Variants in SYNE3 observed in about 807,000 individuals in gnomAD.
The protein encoded by SYNE3 is spectrin repeat containing nuclear envelope family member 3, also known as nesprin-3.
SYNE3 carries 100 observed loss-of-function variants against 111.2 expected under a neutral mutation model. That is an observed-to-expected ratio of 0.90 (90% confidence interval 0.77 to 1.06). SYNE3 has a LOEUF of 1.06. Among genes scored for constraint, SYNE3 ranks in the 50% least tolerant of loss-of-function variants. The pLI, the probability that SYNE3 is intolerant of heterozygous loss-of-function variation, is 0.00. For missense variants in SYNE3, 1,160 were observed against 1,240.3 expected, an observed-to-expected ratio of 0.94 and a Z score of 0.97; for synonymous variants, 547 against 533.9, an observed-to-expected ratio of 1.02 and a Z score of -0.34.
At chr14:95,422,766 G>A (rs1265580742) in intron 17 of SYNE3, among the ~76,000 whole-genome samples, 1 of 152,208 alleles carries the variant, frequency 6.6e-6, no homozygotes, top group Non-Finnish European at 1.5e-5. Flanking sequence ...TGCCTCTCAT[G>A]AAACCCTCAC....
At chr14:95,464,762 G>A (rs1566671457) in intron 4 of SYNE3, among the ~76,000 whole-genome samples, 1 of 152,222 alleles carries the variant, frequency 6.6e-6, no homozygotes, top group Non-Finnish European at 1.5e-5. Flanking sequence ...TGCTTAGGCT[G>A]AGCTTAGAGC....
Position 95,481,700 on chromosome 14 carries a change from G to A in SYNE3, c.-14-5865C>T, listed in dbSNP as rs79376854. Among the ~76,000 whole-genome samples the A allele has an allele frequency of 8.6e-3, 1,307 of 152,344 alleles. 15 individuals are homozygous for A. Among genetic ancestry groups the A allele is most frequent in the Non-Finnish European group, 0.011 (742 of 68,042 alleles). Reference sequence around the variant, plus strand: ...TGTGACCCAGGGCAGAGCAGAGGACGGGGAGAAATAGATGTGTGGGCCCCC... The same window carrying A: ...TGTGACCCAGGGCAGAGCAGAGGACAGGGAGAAATAGATGTGTGGGCCCCC... On this transcript the variant is annotated intron_variant, in intron 1 of 17. Transcript: ENST00000682763.
chr14:95,467,245 C>T (rs2139480202), intron 3 of SYNE3, among the ~76,000 whole-genome samples: 1 of 152,196 alleles, frequency 6.6e-6, no homozygotes, highest in East Asian at 1.9e-4. Flanking sequence ...AGCAGTGTGC[C>T]TCGCTCTTGA....
chr14:95,443,462 C>T (rs528803942), intron 10 of SYNE3, among the ~76,000 whole-genome samples, 173 bp from the exon 11 acceptor site: 30 of 152,292 alleles, frequency 2.0e-4, no homozygotes, highest in African/African-American at 5.8e-4. Flanking sequence ...CTGATGGGCC[C>T]ACTCTCAGGG....
Position 95,485,343 on chromosome 14 carries a change from C to T in SYNE3, c.-14-9508G>A, listed in dbSNP as rs767646742. Among the ~76,000 whole-genome samples, 1 of 152,152 alleles carries T rather than the reference C, an allele frequency of 6.6e-6. No homozygotes were observed. Among genetic ancestry groups the T allele is most frequent in the Non-Finnish European group, 1.5e-5 (1 of 68,020 alleles). On this transcript the variant is annotated intron_variant, in intron 1 of 17. Transcript: ENST00000682763. This position sits in a 1 kb window ranked among gnomAD's most constrained non-coding sequence, Gnocchi z 4.3. The stretch of plus-strand genomic sequence containing the variant: ...GGACAGAGTGAGGCGGGGCTGCTGG[C>T]CCCCTCCCCACATTCCAATGGGCTT...
Position 95,455,395 on chromosome 14 carries a change from T to A in SYNE3, c.1119A>T (p.Ala373=). 6.5e-7 allele frequency: 1 copy of A among 1,548,536 alleles called. No homozygotes were observed. The highest frequency in any genetic ancestry group is 8.7e-7 in the Non-Finnish European group (1 of 1,148,064). Residue 373 remains alanine (A), a synonymous_variant, in exon 6 of 18, where the codon GCA becomes GCT. Coordinates refer to ENST00000682763, the MANE Select transcript of SYNE3 (RefSeq NM_152592.6). ...CGCTTACCGAGTAGCGTCTCCAGTG[T>A]GCCACCAGCTCGTCCTCGGTCCCCG... ...AKAGTEDELV[A]HWRRYSATRA...
chr14:95,414,465 G>A lies in SYNE3; in HGVS notation c.*3361C>T, dbSNP rs112488467. The A allele has an allele frequency of 6.6e-6, 1 of 152,190 alleles. No individual in the cohort carries two copies. Among genetic ancestry groups the A allele is most frequent in the Non-Finnish European group, 1.5e-5 (1 of 68,078 alleles). The allele number at this position is 152,190 out of a possible 1,614,324, so 9.4% of individuals were successfully genotyped here. ...TCCCGCCACCACTGGGCACCTCCCA[G>A]GGTCTCCTCGCCTCGTCTGCTGTCA... On this transcript the variant is annotated 3_prime_UTR_variant, in exon 18 of 18. Coordinates refer to ENST00000682763, the MANE Select transcript of SYNE3 (RefSeq NM_152592.6).
intron 6 of SYNE3, among the ~76,000 whole-genome samples, chr14:95,453,952 A>G (rs1298073723): frequency 1.3e-5 from 2 of 152,180 alleles, no homozygotes; most frequent in African/African-American, 4.8e-5. Context: ...GGGACCTATA[A>G]TGTTGTCAGG....
At chr14:95,490,566 G>T (rs181714414) in intron 1 of SYNE3, among the ~76,000 whole-genome samples, 25 of 152,336 alleles carry the variant, frequency 1.6e-4, no homozygotes, top group Admixed American at 3.9e-4. Context: ...AGCTGCAGAG[G>T]CTTCCTGTTA....
chr14:95,466,268 G>C, intron 3 of SYNE3, 28 bp from the exon 4 acceptor site: 1 of 1,532,920 alleles, frequency 6.5e-7, no homozygotes, highest in South Asian at 1.2e-5. Flanking sequence ...TCAAGGTTGT[G>C]AGGGAACCAG....
rs963637346 is a variant in SYNE3 at position 95,415,541 on chromosome 14, C to T, written c.*2285G>A. ...TTTTCATCCCCTGTAGTTGCCAATTCTGCATGTACTAGTCTTGTAGAAATA... is the reference window on the plus strand; with the variant it reads ...TTTTCATCCCCTGTAGTTGCCAATTTTGCATGTACTAGTCTTGTAGAAATA... On this transcript the variant is annotated 3_prime_UTR_variant, in exon 18 of 18. Transcript: ENST00000682763. The T allele has an allele frequency of 6.6e-6, 1 of 152,130 alleles. No individual in the cohort carries two copies. The highest frequency in any genetic ancestry group is 1.5e-5 in the Non-Finnish European group (1 of 68,030). The allele number at this position is 152,130 out of a possible 1,614,324, so 9.4% of individuals were successfully genotyped here. A position where few individuals can be genotyped will look rare whatever the true frequency, so the allele number is the denominator to read the frequency against.
intron 7 of SYNE3, 148 bp from the exon 8 acceptor site, chr14:95,450,253 A>T: frequency 1.1e-6 from 1 of 877,842 alleles, no homozygotes; most frequent in Non-Finnish European, 1.7e-6. Context: ...GAATGTCTGC[A>T]GCAGTAGACA....
intron 13 of SYNE3, among the ~76,000 whole-genome samples, chr14:95,439,393 GC>G (rs1412792119): frequency 1.3e-5 from 2 of 152,266 alleles, no homozygotes; most frequent in East Asian, 3.8e-4. Context: ...TGAGGCTCAA[GC>G]CAGTATAGAC....
chr14:95,467,101 G>A (rs1188485784), intron 3 of SYNE3, among the ~76,000 whole-genome samples: 5 of 152,186 alleles, frequency 3.3e-5, no homozygotes, highest in Non-Finnish European at 7.3e-5. Flanking sequence ...CACTGTGTTA[G>A]GAATTTCCAG....
chr14:95,445,911 G>A lies in SYNE3; in HGVS notation c.1630C>T (p.Gln544Ter), dbSNP rs1191788558. The change falls in exon 9 of 18, where the codon CAG becomes TAG. Residue 544 changes from glutamine (Q) to a stop codon, truncating the protein, a stop_gained and splice_region_variant. Coordinates refer to ENST00000682763, the MANE Select transcript of SYNE3 (RefSeq NM_152592.6). LOFTEE classifies it high-confidence loss of function. ...NSLLQRKSKL[Q>*]SLLAQHKDFG... The stretch of plus-strand genomic sequence containing the variant: ...AGCAGATGCCTGGTGCTGCACACCT[G>A]CAGTTTGCTTTTCCTCTGCAGGAGG... 2 of 1,613,554 alleles carry A rather than the reference G, an allele frequency of 1.2e-6. No individual in the cohort carries two copies. The highest frequency in any genetic ancestry group is 1.7e-6 in the Non-Finnish European group (2 of 1,179,904).
In SYNE3 at chr14:95,467,793, A is replaced by G. The variant is rs751554966; in HGVS notation, c.317+2T>C. On this transcript the variant is annotated splice_donor_variant, in intron 3 of 17. Coordinates refer to ENST00000682763, the MANE Select transcript of SYNE3 (RefSeq NM_152592.6). LOFTEE classifies it high-confidence loss of function. The stretch of plus-strand genomic sequence containing the variant: ...TGTGGACAAAGGCCCTGGATGCCCT[A>G]CCTGTGACAGTGAGTCATGTAGGTG... 14 of 1,614,046 alleles carry G rather than the reference A, an allele frequency of 8.7e-6. No homozygotes were observed. In the Admixed American group the frequency reaches 2.2e-4, roughly 25 times the overall value.
chr14:95,433,883 C>A (rs1885932717), intron 15 of SYNE3, among the ~76,000 whole-genome samples: 1 of 152,020 alleles, frequency 6.6e-6, no homozygotes, highest in Non-Finnish European at 1.5e-5. Flanking sequence ...GCAGTAGGAG[C>A]GGGGCTATAA....
intron 15 of SYNE3, among the ~76,000 whole-genome samples, chr14:95,436,289 T>C (rs1886081779): frequency 6.6e-6 from 1 of 152,204 alleles, no homozygotes; most frequent in Non-Finnish European, 1.5e-5. Context: ...CCTTGCCTGC[T>C]GCTATTGCTC....
chr14:95,514,869 C>G (rs551093618), intron 1 of SYNE3, among the ~76,000 whole-genome samples: 6 of 152,318 alleles, frequency 3.9e-5, no homozygotes, highest in African/African-American at 7.2e-5. Context: ...CAGGGCCCCC[C>G]GGCAGCCCGC....
Sources: allele counts gnomAD v4.1 joint callset (sites outside exome capture counted in the v4.1 genomes callset), GRCh38; gene constraint gnomAD v4.1.1; non-coding constraint Gnocchi (gnomAD v3.1); transcripts MANE v1.5; gene names NCBI Gene and HGNC (gene_info 2026-07-23, HGNC 2026-07-21).